ADAM23: variants seen among roughly 807,000 people sequenced by gnomAD.
The protein encoded by ADAM23 is ADAM metallopeptidase domain 23.
Under a neutral mutation model 120.1 loss-of-function variants are expected in ADAM23, and 33 were observed. The ratio of observed to expected loss-of-function variants is 0.27; its 90% CI spans 0.21 to 0.37. ADAM23 has a LOEUF of 0.37. Ranked by LOEUF, ADAM23 falls within the 10% of genes least tolerant of loss-of-function variation. ADAM23 has a pLI of 1.00. For synonymous variants in ADAM23, 367 were observed against 375.2 expected, an observed-to-expected ratio of 0.98 and a Z score of 0.25; for missense variants, 862 against 1,058.2, an observed-to-expected ratio of 0.81 and a Z score of 2.57.
At chr2:206,561,732 G>A (rs889178622) in intron 12 of ADAM23, among the ~76,000 whole-genome samples, 1 of 151,858 alleles carries the variant, frequency 6.6e-6, no homozygotes, top group East Asian at 1.9e-4. Flanking sequence ...ATTCTTAATT[G>A]GTAACAGCAC....
At chr2:206,588,827 T>TG (rs979155086) in intron 20 of ADAM23, among the ~76,000 whole-genome samples, 1 of 152,246 alleles carries the variant, frequency 6.6e-6, no homozygotes. Context: ...AACAGGGCTC[T>TG]GGCATGAGTG....
intron 24 of ADAM23, among the ~76,000 whole-genome samples, chr2:206,601,275 C>T (rs181834993): frequency 6.6e-6 from 1 of 152,164 alleles, no homozygotes; most frequent in Non-Finnish European, 1.5e-5. Context: ...TTTGGTCAGA[C>T]CTTTTCATCA....
intron 1 of ADAM23, among the ~76,000 whole-genome samples, chr2:206,444,881 G>A (rs776946418): frequency 2.0e-5 from 3 of 152,200 alleles, no homozygotes; most frequent in Non-Finnish European, 2.9e-5. Context: ...CTCTTGGATG[G>A]GATGCCACTA....
At chr2:206,601,972 G>A (rs1698647799) in intron 24 of ADAM23, among the ~76,000 whole-genome samples, 1 of 152,070 alleles carries the variant, frequency 6.6e-6, no homozygotes, top group Admixed American at 6.5e-5. Flanking sequence ...TAATAGTTTT[G>A]AAGTCTTATT....
chr2:206,538,184 A>C (rs899287971), intron 4 of ADAM23, among the ~76,000 whole-genome samples: 14 of 152,176 alleles, frequency 9.2e-5, no homozygotes, highest in Non-Finnish European at 2.1e-4. Context: ...CATTTTCCCC[A>C]TTAAATTTAA....
chr2:206,604,047 A>G (rs1698687808), intron 24 of ADAM23, among the ~76,000 whole-genome samples: 1 of 151,972 alleles, frequency 6.6e-6, no homozygotes, highest in African/African-American at 2.4e-5. Context: ...CAGGCAGACC[A>G]CGAGGTCAGG....
At chr2:206,492,601 G>A (rs1196980837) in intron 3 of ADAM23, among the ~76,000 whole-genome samples, 2 of 152,176 alleles carry the variant, frequency 1.3e-5, no homozygotes, top group Non-Finnish European at 1.5e-5. Flanking sequence ...ATCTCTGCTT[G>A]CAAGATTGTG....
chr2:206,564,393 A>G (rs1412690524), intron 13 of ADAM23, among the ~76,000 whole-genome samples: 2 of 152,208 alleles, frequency 1.3e-5, no homozygotes, highest in African/African-American at 2.4e-5. Flanking sequence ...ACCTTTTAGC[A>G]TAGTGTTCAT....
chr2:206,567,115 CATTT>C, intron 14 of ADAM23, 104 bp from the exon 15 acceptor site: 1 of 835,936 alleles, frequency 1.2e-6, no homozygotes, highest in Non-Finnish European at 1.9e-6. Context: ...TGTGTAGATT[CATTT>C]GGATTCAAAG....
At chr2:206,503,259 C>CT (rs1324751251) in intron 3 of ADAM23, among the ~76,000 whole-genome samples, 2 of 152,012 alleles carry the variant, frequency 1.3e-5, no homozygotes, top group Non-Finnish European at 2.9e-5. Context: ...AACTAAATGA[C>CT]TTTTTTTCCC....
In ADAM23 at chr2:206,490,120, G is replaced by A. The variant is rs145852906; in HGVS notation, c.509+8812G>A. Among the ~76,000 whole-genome samples the A allele has an allele frequency of 2.1e-3, 314 of 152,286 alleles. 3 individuals are homozygous for A. Among genetic ancestry groups the A allele is most frequent in the African/African-American group, 7.2e-3 (301 of 41,556 alleles). On this transcript the variant is annotated intron_variant, in intron 3 of 25. Coordinates refer to ENST00000264377, the MANE Select transcript of ADAM23 (RefSeq NM_003812.4). ...ATTACTATTGTCATGAAAAGAGAAA[G>A]TTTGGACACAGACACTAGTGTGTTG... is the stretch of plus-strand genomic sequence containing the variant.
At chr2:206,609,312 C>T (rs1302701235) in intron 24 of ADAM23, among the ~76,000 whole-genome samples, 1 of 152,096 alleles carries the variant, frequency 6.6e-6, no homozygotes, top group Non-Finnish European at 1.5e-5. Flanking sequence ...CCTTTGGAAC[C>T]CCATTTTGGT....
chr2:206,567,466 T>C, intron 15 of ADAM23, 144 bp downstream of exon 15: 1 of 565,950 alleles, frequency 1.8e-6, no homozygotes. Context: ...GTCCTTATCA[T>C]GTTAAAGATT....
At chr2:206,484,559 C>T (rs1455948744) in intron 3 of ADAM23, among the ~76,000 whole-genome samples, 2 of 152,108 alleles carry the variant, frequency 1.3e-5, no homozygotes, top group Non-Finnish European at 2.9e-5. Context: ...GTAGGCAAAG[C>T]TCTTTGAATA....
At chr2:206,583,153 T>C (rs1698251093) in intron 18 of ADAM23, among the ~76,000 whole-genome samples, 1 of 152,186 alleles carries the variant, frequency 6.6e-6, no homozygotes, top group South Asian at 2.1e-4. Flanking sequence ...TTTTCCAAGC[T>C]TTTAGAATTC....
intron 9 of ADAM23, among the ~76,000 whole-genome samples, chr2:206,552,413 G>C (rs1697547797): frequency 6.6e-6 from 1 of 152,064 alleles, no homozygotes. Context: ...AACAGTTATA[G>C]TTTTTTGGTA....
At chr2:206,498,283 T>G (rs7606542) in intron 3 of ADAM23, among the ~76,000 whole-genome samples, 33,986 of 151,976 alleles carry the variant, frequency 0.22, 4,246 homozygotes, top group African/African-American at 0.34. Flanking sequence ...AAACAGCATG[T>G]TACTGGTACC....
intron 3 of ADAM23, among the ~76,000 whole-genome samples, chr2:206,526,077 C>T (rs1389846527): frequency 6.6e-6 from 1 of 151,882 alleles, no homozygotes; most frequent in Non-Finnish European, 1.5e-5. Flanking sequence ...GTTTTGACCA[C>T]ATGGCTGTTT....
intron 24 of ADAM23, among the ~76,000 whole-genome samples, chr2:206,607,378 A>G (rs1260386512): frequency 6.6e-6 from 1 of 152,214 alleles, no homozygotes; most frequent in Non-Finnish European, 1.5e-5. Context: ...GCATGCATTT[A>G]TGTGAAATTC....
Sources: gnomAD v4.1 joint callset for allele counts (sites outside exome capture counted in the v4.1 genomes callset) on GRCh38, gnomAD v4.1.1 for gene constraint, MANE v1.5 for transcripts, NCBI Gene and HGNC (gene_info 2026-07-23, HGNC 2026-07-21) for gene names.